RNF144A: variants seen among roughly 807,000 people sequenced by gnomAD.
RNF144A encodes the protein ring finger protein 144A.
Under a neutral mutation model 38.7 loss-of-function variants are expected in RNF144A, and 11 were observed. The ratio of observed to expected loss-of-function variants is 0.28; its 90% CI spans 0.18 to 0.47. The LOEUF (loss-of-function observed/expected upper bound fraction) is 0.47. RNF144A is among the 20% of genes least tolerant of loss of function. RNF144A has a pLI of 0.99. For synonymous variants in RNF144A, 149 were observed against 143.9 expected (o/e 1.04, Z -0.25); for missense variants, 316 against 377.2 (o/e 0.84, Z 1.34).
chr2:6,990,367 CTAAAGACTA>C (rs1463000506), intron 2 of RNF144A, among the ~76,000 whole-genome samples: 1 of 144,864 alleles, frequency 6.9e-6, no homozygotes, highest in East Asian at 2.0e-4. Flanking sequence ...TAATTCCTTC[CTAAAGACTA>C]TATATATTTA....
In RNF144A at chr2:7,029,303, C is replaced by T. The variant is rs117592286; in HGVS notation, c.658-823C>T. 1.1e-4 allele frequency among the ~76,000 whole-genome samples: 16 copies of T among 152,304 alleles called. No homozygotes were observed. The East Asian group carries it at 2.7e-3, about 26-fold the overall frequency. On this transcript the variant is annotated intron_variant, in intron 7 of 8. Transcript: ENST00000320892. ...CCTGGTCCTGGAGGCATAGAGGGCT[C>T]GGTATAGAAATGCCATTCCCCTCAC...
At chr2:7,044,227 G>A (rs562506255), downstream of RNF144A, 49 of 970,016 alleles carry the variant, frequency 5.1e-5, 1 homozygote, top group Middle Eastern at 5.3e-4. Context: ...CTACTGGCCT[G>A]AAGATGGAAA....
intron 6 of RNF144A, 170 bp downstream of exon 6, chr2:7,020,850 A>C (rs113873774): frequency 6.4e-6 from 4 of 623,170 alleles, no homozygotes; most frequent in Non-Finnish European, 8.5e-6. Context: ...TTGTATGTCT[A>C]TTTATTTTTG....
rs1259117984 is a variant in RNF144A at position 6,962,937 on chromosome 2, T to C, written c.-12+21790T>C. Among the ~76,000 whole-genome samples, 1 of 152,146 alleles carries C rather than the reference T, an allele frequency of 6.6e-6. No homozygotes were observed. The highest frequency in any genetic ancestry group is 1.9e-4 in the East Asian group (1 of 5,182). On this transcript the variant is annotated intron_variant, in intron 2 of 8. Transcript: ENST00000320892. The surrounding 1 kb of genome is among the most constrained non-coding windows in gnomAD (Gnocchi z 4.1). ...TCGTTGAAGGGAGATGACAAGATCATTTTGATAATTTTAAAAGATGGATGA... is the reference window on the plus strand; with the variant it reads ...TCGTTGAAGGGAGATGACAAGATCACTTTGATAATTTTAAAAGATGGATGA...
intron 8 of RNF144A, among the ~76,000 whole-genome samples, chr2:7,037,204 C>T (rs562769654): frequency 1.3e-5 from 2 of 152,310 alleles, no homozygotes; most frequent in Admixed American, 1.3e-4. Flanking sequence ...GCGTAACTGG[C>T]AGTACCTGCA....
chr2:7,016,537 C>G (rs1029519237), intron 5 of RNF144A, among the ~76,000 whole-genome samples: 5 of 146,258 alleles, frequency 3.4e-5, no homozygotes, highest in African/African-American at 1.3e-4. Context: ...AAACATGAAG[C>G]CAACTTGGCT....
intron 2 of RNF144A, among the ~76,000 whole-genome samples, chr2:6,986,944 A>G (rs1374772607): frequency 6.6e-6 from 1 of 152,000 alleles, no homozygotes; most frequent in East Asian, 1.9e-4. Flanking sequence ...TGACAGCATT[A>G]CTCTCTGGTA....
At chr2:7,060,161 C>A (rs894231215) in intron 6 of RNF144A, among the ~76,000 whole-genome samples, 3 of 152,066 alleles carry the variant, frequency 2.0e-5, no homozygotes, top group Non-Finnish European at 4.4e-5. Context: ...TCTTCTTCAT[C>A]TCCTCCTCTC....
At chr2:6,964,648 T>G (rs1378437030) in intron 2 of RNF144A, among the ~76,000 whole-genome samples, 1 of 152,108 alleles carries the variant, frequency 6.6e-6, no homozygotes, top group Non-Finnish European at 1.5e-5. Flanking sequence ...CCATAAAAAA[T>G]GATGAGTTCA....
At chr2:7,032,799 G>T (rs556670608) in intron 8 of RNF144A, among the ~76,000 whole-genome samples, 12 of 152,178 alleles carry the variant, frequency 7.9e-5, no homozygotes, top group African/African-American at 2.7e-4. Context: ...GATACTAGGG[G>T]GCTAGAACTT....
At chr2:7,022,345 C>T (rs527722081) in intron 6 of RNF144A, among the ~76,000 whole-genome samples, 3 of 152,288 alleles carry the variant, frequency 2.0e-5, no homozygotes, top group South Asian at 2.1e-4. Context: ...TGCTGGGCCA[C>T]GTGTAGATTG....
At chr2:6,987,759 C>A (rs905674912) in intron 2 of RNF144A, among the ~76,000 whole-genome samples, 1 of 152,188 alleles carries the variant, frequency 6.6e-6, no homozygotes, top group Admixed American at 6.5e-5. Flanking sequence ...TCCTCTGGCC[C>A]CTGGGTTCTT....
At chr2:6,986,404 T>C (rs1668967450) in intron 2 of RNF144A, among the ~76,000 whole-genome samples, 2 of 152,184 alleles carry the variant, frequency 1.3e-5, no homozygotes, top group Admixed American at 1.3e-4. Context: ...ACAAGGTTTC[T>C]GTTTGGGGAC....
chr2:7,074,557 G>T, the RNF144A span: 5 of 152,066 alleles, frequency 3.3e-5, no homozygotes, highest in African/African-American at 1.2e-4. Context: ...ATTTTCCTGG[G>T]CCCTTAAAAG....
At chr2:7,069,753 C>A (rs908116450), downstream of RNF144A, among the ~76,000 whole-genome samples, 4 of 152,144 alleles carry the variant, frequency 2.6e-5, no homozygotes, top group African/African-American at 9.7e-5. Flanking sequence ...CAGGCTCAGG[C>A]CTATATTAGA....
chr2:7,047,717 CA>C, downstream of RNF144A, among the ~76,000 whole-genome samples: 1 of 152,320 alleles, frequency 6.6e-6, no homozygotes, highest in Admixed American at 6.5e-5. Flanking sequence ...AGTCCAGAAG[CA>C]AAAGCCTCAA....
In RNF144A at chr2:7,030,709, C is replaced by T. The variant is rs545787970; in HGVS notation, c.747+494C>T. On this transcript the variant is annotated intron_variant, in intron 8 of 8. Transcript: ENST00000320892. ...CACTTCGTGGAAGGCAGTTTTTCCACAGACTGGGCAGGGGGATGGATTTGG... is the reference window on the plus strand; with the variant it reads ...CACTTCGTGGAAGGCAGTTTTTCCATAGACTGGGCAGGGGGATGGATTTGG... Among the ~76,000 whole-genome samples the T allele has an allele frequency of 4.6e-5, 7 of 152,226 alleles. No individual in the cohort carries two copies. In the East Asian group the frequency reaches 1.2e-3, roughly 25 times the overall value.
chr2:6,943,411 G>A lies in RNF144A; in HGVS notation c.-12+2264G>A, dbSNP rs192867005. Among the ~76,000 whole-genome samples, 5 of 152,348 alleles carry A rather than the reference G, an allele frequency of 3.3e-5. No homozygotes were observed. The highest frequency in any genetic ancestry group is 2.6e-4 in the Admixed American group (4 of 15,306). On this transcript the variant is annotated intron_variant, in intron 2 of 8. Coordinates refer to ENST00000320892, the MANE Select transcript of RNF144A (RefSeq NM_014746.6). This position sits in a 1 kb window ranked among gnomAD's most constrained non-coding sequence, Gnocchi z 4.3. ...TGGAGAGAAGAATGCAGGGGAGGAA[G>A]TGGAGACAGGGATTGTAGACAACTC...
chr2:6,941,473 G>A lies in RNF144A; in HGVS notation c.-12+326G>A, dbSNP rs1333535858. On this transcript the variant is annotated intron_variant, in intron 2 of 8. Transcript: ENST00000320892. This position sits in a 1 kb window ranked among gnomAD's most constrained non-coding sequence, Gnocchi z 6.5. Reference sequence around the variant, plus strand: ...GAGAACACGTGGATTGAGCTCCTGCGTGTGCCAGGCACAGCTCTAACTCAG... The same window carrying A: ...GAGAACACGTGGATTGAGCTCCTGCATGTGCCAGGCACAGCTCTAACTCAG... 2.6e-5 allele frequency among the ~76,000 whole-genome samples: 4 copies of A among 152,204 alleles called. No individual in the cohort carries two copies. Among genetic ancestry groups the A allele is most frequent in the African/African-American group, 4.8e-5 (2 of 41,448 alleles).
Sources: allele counts gnomAD v4.1 joint callset (sites outside exome capture counted in the v4.1 genomes callset), GRCh38; gene constraint gnomAD v4.1.1; non-coding constraint Gnocchi (gnomAD v3.1); transcripts MANE v1.5; gene names NCBI Gene and HGNC (gene_info 2026-07-23, HGNC 2026-07-21).